Variants in SPTBN5 observed in about 807,000 individuals in gnomAD.
The protein encoded by SPTBN5 is spectrin beta chain, non-erythrocytic 5.
Under a neutral mutation model 477.6 loss-of-function variants are expected in SPTBN5, and 513 were observed. That is an observed-to-expected ratio of 1.07 (90% confidence interval 1.00 to 1.16). SPTBN5 has a LOEUF of 1.16. Among genes scored for constraint, SPTBN5 ranks in the 50% most tolerant of loss-of-function variants. The pLI is 0.00. For missense variants in SPTBN5, 5,062 were observed against 4,731.8 expected (o/e 1.07, Z -2.05); for synonymous variants, 2,169 against 2,011.7 (o/e 1.08, Z -2.09).
At chr15:41,881,289 T>C (rs751127641) in intron 12 of SPTBN5, 55 bp from the exon 13 acceptor site, 116 of 1,477,816 alleles carry the variant, frequency 7.8e-5, no homozygotes, top group Admixed American at 2.6e-4. Flanking sequence ...AGCAGGGGCT[T>C]TGGCCAGGCC....
intron 1 of SPTBN5, 148 bp from the exon 2 acceptor site, chr15:41,893,694 CT>C: frequency 9.7e-7 from 1 of 1,034,354 alleles, no homozygotes; most frequent in Non-Finnish European, 1.4e-6. Context: ...TTCTGGTCCC[CT>C]GTGCTTGAAT....
At position 41,876,211 on chromosome 15, in the gene SPTBN5, G is replaced by A. The variant is rs1046935239; in HGVS notation, c.4025C>T (p.Ser1342Phe). 1 of 1,604,868 alleles carries A rather than the reference G, an allele frequency of 6.2e-7. No homozygotes were observed. Among genetic ancestry groups the A allele is most frequent in the Non-Finnish European group, 8.5e-7 (1 of 1,179,372 alleles). ...CTGCAGGATGTTTCTGCGCGCTCCGGAGGGCTCATGCGCAGCCATCAGCCC... is the reference window on the plus strand; with the variant it reads ...CTGCAGGATGTTTCTGCGCGCTCCGAAGGGCTCATGCGCAGCCATCAGCCC... ...EKGLMAAHEP[S>F]GARRNILQTL... The change falls in exon 21 of 68, where the codon TCC (serine) becomes TTC (phenylalanine). Residue 1342 changes from serine (S) to phenylalanine (F), a missense_variant. Coordinates refer to ENST00000320955, the MANE Select transcript of SPTBN5 (RefSeq NM_016642.4).
At position 41,876,166 on chromosome 15, in the gene SPTBN5, G is replaced by A; in HGVS notation, c.4070C>T (p.Ala1357Val). The A allele has an allele frequency of 1.9e-6, 3 of 1,605,370 alleles. No homozygotes were observed. The highest frequency in any genetic ancestry group is 1.7e-6 in the Non-Finnish European group (2 of 1,179,676). Reference sequence around the variant, plus strand: ...GGTGGCGAGTAGCTCGCTCTCAGCTGCTTCGTGCCGCTTGAGTGTCTGCAG... The same window carrying A: ...GGTGGCGAGTAGCTCGCTCTCAGCTACTTCGTGCCGCTTGAGTGTCTGCAG... The part of the protein sequence containing the change: ...NILQTLKRHE[A>V]AESELLATRR... The change falls in exon 21 of 68, where the codon GCA (alanine) becomes GTA (valine). Residue 1357 changes from alanine (A) to valine (V), a missense_variant. By Grantham distance (64) the Ala-to-Val change is moderately conservative. Coordinates refer to ENST00000320955, the MANE Select transcript of SPTBN5 (RefSeq NM_016642.4).
intron 7 of SPTBN5, among the ~76,000 whole-genome samples, chr15:41,884,677 A>T (rs978724768): frequency 6.6e-6 from 1 of 151,952 alleles, no homozygotes; most frequent in Non-Finnish European, 1.5e-5. Flanking sequence ...CCCTCCACTG[A>T]TTTCCCATCA....
intron 57 of SPTBN5, 70 bp downstream of exon 57, chr15:41,853,980 A>G: frequency 6.7e-7 from 1 of 1,497,662 alleles, no homozygotes; most frequent in East Asian, 2.5e-5. Flanking sequence ...GGGAGGGCTG[A>G]GATAGGTCCC....
intron 62 of SPTBN5, 84 bp from the exon 63 acceptor site, chr15:41,851,934 T>C: frequency 7.9e-6 from 9 of 1,140,272 alleles, no homozygotes; most frequent in Non-Finnish European, 1.2e-5. Context: ...CCCAGCTCTC[T>C]TTATTCCTCC....
At position 41,851,164 on chromosome 15, in the gene SPTBN5, A is replaced by G; in HGVS notation, c.10744-14T>C. The G allele has an allele frequency of 6.2e-7, 1 of 1,611,042 alleles. No homozygotes were observed. Among genetic ancestry groups the G allele is most frequent in the Non-Finnish European group, 8.5e-7 (1 of 1,178,822 alleles). ...GGAAGCTACTTTCTGAGGAGAGATG[A>G]GAGGCAGGGGTCACTGCGGCCATCT... On this transcript the variant is annotated splice_polypyrimidine_tract_variant and intron_variant, in intron 64 of 67. Coordinates refer to ENST00000320955, the MANE Select transcript of SPTBN5 (RefSeq NM_016642.4).
chr15:41,863,379 T>C (rs1414557915), intron 41 of SPTBN5, among the ~76,000 whole-genome samples: 1 of 152,210 alleles, frequency 6.6e-6, no homozygotes, highest in Non-Finnish European at 1.5e-5. Flanking sequence ...TCCCGAGGGT[T>C]TGGGCTTCCT....
At chr15:41,853,114 GCACCTGCCCCTTCC>G in intron 59 of SPTBN5, 114 bp from the exon 60 acceptor site, 1 of 1,426,958 alleles carries the variant, frequency 7.0e-7, no homozygotes, top group Non-Finnish European at 9.3e-7. Context: ...TGTGAGACCC[GCACCTGCCCCTTCC>G]CAGCCTCTCT....
intron 47 of SPTBN5, 118 bp from the exon 48 acceptor site, chr15:41,859,098 A>G (rs2066016554): frequency 2.7e-6 from 2 of 736,266 alleles, no homozygotes; most frequent in African/African-American, 1.8e-5. Flanking sequence ...CCTTTGGAAT[A>G]AAGGTACATT....
At chr15:41,862,453 C>T in intron 43 of SPTBN5, 86 bp downstream of exon 43, 1 of 1,532,400 alleles carries the variant, frequency 6.5e-7, no homozygotes, top group Non-Finnish European at 8.8e-7. Context: ...AGAAGGAATC[C>T]TAGGGGAACA....
chr15:41,874,846 G>A lies in SPTBN5; in HGVS notation c.4498C>T (p.Arg1500Trp), dbSNP rs747466716. 29 of 1,603,926 alleles carry A rather than the reference G, an allele frequency of 1.8e-5. No homozygotes were observed. The highest frequency in any genetic ancestry group is 1.7e-4 in the Admixed American group (10 of 59,812). Residue 1500 changes from arginine (R) to tryptophan (W), a missense_variant, in exon 23 of 68, where the codon CGG (arginine) becomes TGG (tryptophan). Coordinates refer to ENST00000320955, the MANE Select transcript of SPTBN5 (RefSeq NM_016642.4). The stretch of plus-strand genomic sequence containing the variant: ...GGGTGGGAGGACAGACCCCACCTCC[G>A]GAGGTGCTTCTGGGTCTCTTCCAGG... Reference protein sequence around the residue: ...AILEETQKHLRRLELLQGHLA... With the variant: ...AILEETQKHLWRLELLQGHLA...
At position 41,861,929 on chromosome 15, in the gene SPTBN5, A is replaced by G; in HGVS notation, c.7549-6T>C. 1 of 1,597,328 alleles carries G rather than the reference A, an allele frequency of 6.3e-7. No homozygotes were observed. The highest frequency in any genetic ancestry group is 8.5e-7 in the Non-Finnish European group (1 of 1,175,862). On this transcript the variant is annotated splice_polypyrimidine_tract_variant and splice_region_variant and intron_variant, in intron 44 of 67. Coordinates refer to ENST00000320955, the MANE Select transcript of SPTBN5 (RefSeq NM_016642.4). ...GTCCAGGAGTCCAGCTCGGCCTGGA[A>G]CAGGACTGGGCTCAGATCACTGGGG...
At position 41,857,031 on chromosome 15, in the gene SPTBN5, C is replaced by A. The variant is rs868402144; in HGVS notation, c.8630G>T (p.Ser2877Ile). The A allele has an allele frequency of 6.2e-7, 1 of 1,602,376 alleles. No individual in the cohort carries two copies. The highest frequency in any genetic ancestry group is 1.1e-5 in the South Asian group (1 of 89,048). Residue 2877 changes from serine (S) to isoleucine (I), a missense_variant, in exon 52 of 68, where the codon AGC (serine) becomes ATC (isoleucine). Physicochemically the swap from Ser to Ile is moderately radical, Grantham distance 142. Coordinates refer to ENST00000320955, the MANE Select transcript of SPTBN5 (RefSeq NM_016642.4). ...QARRLLQRFK[S>I]LREPLQERRT... ...GCGCTCCTGCAGGGGCTCCCTCAGG[C>A]TCTTGAACCTGCAGCGGTGGAGGGT...
intron 13 of SPTBN5, 96 bp downstream of exon 13, chr15:41,880,938 G>T: frequency 1.8e-6 from 2 of 1,097,746 alleles, no homozygotes; most frequent in Non-Finnish European, 2.6e-6. Context: ...TGAGGACAGG[G>T]AACATGTCAG....
In SPTBN5 at chr15:41,861,776, G is replaced by A. The variant is rs2066116806; in HGVS notation, c.7696C>T (p.Gln2566Ter). 2 of 1,557,862 alleles carry A rather than the reference G, an allele frequency of 1.3e-6. No individual in the cohort carries two copies. Among genetic ancestry groups the A allele is most frequent in the Non-Finnish European group, 1.7e-6 (2 of 1,155,410 alleles). The change falls in exon 45 of 68, where the codon CAG becomes TAG. Residue 2566 changes from glutamine (Q) to a stop codon, truncating the protein, a stop_gained. Coordinates refer to ENST00000320955, the MANE Select transcript of SPTBN5 (RefSeq NM_016642.4). LOFTEE classifies it high-confidence loss of function. The stretch of plus-strand genomic sequence containing the variant: ...TGCTGCAGCTGTAGCTGATGCTCCT[G>A]CCAGGCCCCTTCCAGGCTGCTCAGC... ...QELSSLEGAWQEHQLQLQQAL... is the reference protein window; with the variant it reads ...QELSSLEGAW
rs761866758 is a variant in SPTBN5 at position 41,871,810 on chromosome 15, C to T, written c.5273G>A (p.Ser1758Asn). 1.0e-5 allele frequency: 16 copies of T among 1,591,798 alleles called. No homozygotes were observed. Among genetic ancestry groups the T allele is most frequent in the Non-Finnish European group, 1.2e-5 (14 of 1,169,490 alleles). ...SQKQAAKGGE[S>N]LGEDPEHALH... is the part of the protein sequence containing the mutation. ...GGCGTGCTCGGGGTCCTCTCCCAGG[C>T]TCTCCCCTCCTTTGGCTGCCTGCTT... The change falls in exon 28 of 68, where the codon AGC becomes AAC. Residue 1758 changes from serine (S) to asparagine (N), a missense_variant. Transcript: ENST00000320955.
chr15:41,886,662 T>C (rs1253567209), intron 6 of SPTBN5, among the ~76,000 whole-genome samples: 1 of 152,178 alleles, frequency 6.6e-6, no homozygotes, highest in Non-Finnish European at 1.5e-5. Flanking sequence ...CTGTTCTTTT[T>C]CTAGGCCGCC....
In SPTBN5 at chr15:41,867,559, A is replaced by G. The variant is rs576802805; in HGVS notation, c.6291T>C (p.Val2097=). 55 of 1,613,796 alleles carry G rather than the reference A, an allele frequency of 3.4e-5. No individual in the cohort carries two copies. The South Asian group carries it at 5.8e-4, about 17-fold the overall frequency. Residue 2097 remains valine (V), a synonymous_variant, in exon 35 of 68, where the codon GTT becomes GTC. Transcript: ENST00000320955. ...LIRKHEVFLK[V]LTAQDKKEAA... Reference sequence around the variant, plus strand: ...TTACCTTCTTGTCCTGGGCAGTCAGAACCTTCAGGAAGACCTCGTGCTTGC... The same window carrying G: ...TTACCTTCTTGTCCTGGGCAGTCAGGACCTTCAGGAAGACCTCGTGCTTGC...
Sources: allele counts gnomAD v4.1 joint callset (sites outside exome capture counted in the v4.1 genomes callset), GRCh38; gene constraint gnomAD v4.1.1; transcripts MANE v1.5; gene names NCBI Gene and HGNC (gene_info 2026-07-23, HGNC 2026-07-21).